MICU1: variants seen among roughly 807,000 people sequenced by gnomAD.
MICU1 encodes mitochondrial calcium uptake 1, also known as calcium uptake protein 1, mitochondrial.
In MICU1, 45 loss-of-function variants were observed where a neutral mutation model predicts 56.8. The ratio of observed to expected loss-of-function variants is 0.79; its 90% confidence interval spans 0.62 to 1.02. The LOEUF is 1.02. MICU1 is among the 50% of genes least tolerant of loss of function. MICU1 has a pLI of 0.00. For missense variants in MICU1, 504 were observed against 587.1 expected, an observed-to-expected ratio of 0.86 and a Z score of 1.46; for synonymous variants, 186 against 195.1, an observed-to-expected ratio of 0.95 and a Z score of 0.39.
intron 10 of MICU1, among the ~76,000 whole-genome samples, chr10:72,391,485 A>G (rs1019789410): frequency 3.3e-5 from 5 of 152,256 alleles, no homozygotes; most frequent in South Asian, 2.1e-4. Flanking sequence ...GAAAACCAGT[A>G]GAAAGTAACA....
intron 1 of MICU1, among the ~76,000 whole-genome samples, chr10:72,623,169 G>C (rs1191621158): frequency 6.6e-6 from 1 of 151,958 alleles, no homozygotes; most frequent in Non-Finnish European, 1.5e-5. Context: ...TACTTACGAG[G>C]ATGAGGCAGA....
At chr10:72,520,461 TC>T (rs1456701144) in intron 5 of MICU1, among the ~76,000 whole-genome samples, 25 of 152,264 alleles carry the variant, frequency 1.6e-4, no homozygotes, top group African/African-American at 6.0e-4. Context: ...AGTTTATGAT[TC>T]CTCCTTCTGA....
At chr10:72,406,222 CATTT>C (rs1230598546) in intron 10 of MICU1, among the ~76,000 whole-genome samples, 2 of 151,934 alleles carry the variant, frequency 1.3e-5, no homozygotes, top group Non-Finnish European at 2.9e-5. Flanking sequence ...AAACCAATTC[CATTT>C]ATAATGGGAT....
chr10:72,565,190 G>C lies in MICU1; in HGVS notation c.161+1443C>G, dbSNP rs557615995. On this transcript the variant is annotated intron_variant, in intron 2 of 11. Transcript: ENST00000361114. ...TGCTGCTATAAAGACACACGCACAC[G>C]TATGTTTATTGCGGCACTATTCACA... Among the ~76,000 whole-genome samples, 5 of 151,196 alleles carry C rather than the reference G, an allele frequency of 3.3e-5. No individual in the cohort carries two copies. In the South Asian group the frequency reaches 8.4e-4, roughly 25 times the overall value.
At position 72,508,444 on chromosome 10, in the gene MICU1, T is replaced by G. The variant is rs1589290601; in HGVS notation, c.538-175A>C. 3 of 398,652 alleles carry G rather than the reference T, an allele frequency of 7.5e-6. No individual in the cohort carries two copies. In the East Asian group the frequency reaches 1.0e-4, roughly 14 times the overall value. The allele number at this position is 398,652 out of a possible 1,614,324, so 24.7% of individuals were successfully genotyped here. On this transcript the variant is annotated intron_variant, in intron 5 of 11. Coordinates refer to ENST00000361114, the MANE Select transcript of MICU1 (RefSeq NM_001195518.2). ...TACAGTTTTCAAGATGATGAAAATT[T>G]TAAGACAAAAATTATGTTTTCATTT... is the stretch of plus-strand genomic sequence containing the variant.
intron 1 of MICU1, among the ~76,000 whole-genome samples, chr10:72,607,083 G>C (rs1376760948): frequency 6.6e-6 from 1 of 152,146 alleles, no homozygotes; most frequent in African/African-American, 2.4e-5. Context: ...GCTCACGCCT[G>C]TAATCCCAAT....
intron 1 of MICU1, among the ~76,000 whole-genome samples, chr10:72,584,948 C>T (rs776867390): frequency 7.9e-5 from 12 of 152,022 alleles, no homozygotes; most frequent in Admixed American, 1.3e-4. Flanking sequence ...AAATTACAGC[C>T]AAGAAAGTAT....
At chr10:72,552,674 C>A (rs1840063561) in intron 3 of MICU1, among the ~76,000 whole-genome samples, 1 of 152,112 alleles carries the variant, frequency 6.6e-6, no homozygotes. Context: ...CCTGCCTCAG[C>A]CTCCCAAGTA....
chr10:72,452,206 G>A (rs750839815), intron 8 of MICU1, among the ~76,000 whole-genome samples: 5 of 152,062 alleles, frequency 3.3e-5, no homozygotes, highest in Non-Finnish European at 7.4e-5. Context: ...ACTACAATTC[G>A]AATACTCACT....
In MICU1 at chr10:72,523,834, CGTCT is replaced by C. The variant is rs1564917996; in HGVS notation, c.537+9908_537+9911del. 3.9e-6 allele frequency: 6 copies of C among 1,527,358 alleles called. No homozygotes were observed. In the Admixed American group the frequency reaches 7.9e-5, roughly 20 times the overall value. 94.6% of individuals were successfully genotyped at this position (1,527,358 alleles called of 1,614,324 possible). ...AGTGTCCTTGAAGATCTCCTTGGCC[CGTCT>C]GTAAGTATATATTCTTTTCATGGTT... is the stretch of plus-strand genomic sequence containing the variant. On this transcript the variant is annotated intron_variant, in intron 5 of 11. Coordinates refer to ENST00000361114, the MANE Select transcript of MICU1 (RefSeq NM_001195518.2).
intron 1 of MICU1, among the ~76,000 whole-genome samples, chr10:72,586,252 C>CTCGA (rs1416535766): frequency 7.9e-5 from 12 of 151,826 alleles, no homozygotes; most frequent in Non-Finnish European, 1.8e-4. Context: ...GCTCAAGCCA[C>CTCGA]ACTCCCACCT....
chr10:72,533,382 C>G (rs567555160), intron 5 of MICU1, among the ~76,000 whole-genome samples: 4 of 152,274 alleles, frequency 2.6e-5, no homozygotes, highest in African/African-American at 9.6e-5. Flanking sequence ...TTGCTAGACA[C>G]TATCATAAAG....
chr10:72,594,065 T>C (rs1281226475), intron 1 of MICU1, among the ~76,000 whole-genome samples: 1 of 152,090 alleles, frequency 6.6e-6, no homozygotes, highest in Admixed American at 6.6e-5. Flanking sequence ...AAAATAAGCT[T>C]GAAAAAGAGA....
intron 8 of MICU1, among the ~76,000 whole-genome samples, chr10:72,423,832 G>A (rs1864257671): frequency 6.6e-6 from 1 of 152,144 alleles, no homozygotes; most frequent in African/African-American, 2.4e-5. Flanking sequence ...AATTCATAAA[G>A]GTCTGAGAGC....
intron 6 of MICU1, among the ~76,000 whole-genome samples, chr10:72,497,389 G>A (rs1866882310): frequency 6.6e-6 from 1 of 152,074 alleles, no homozygotes; most frequent in African/African-American, 2.4e-5. Flanking sequence ...TGTTCCAGAA[G>A]CAGGTTAAGC....
At chr10:72,559,854 T>C (rs977833630) in intron 3 of MICU1, among the ~76,000 whole-genome samples, 1 of 152,208 alleles carries the variant, frequency 6.6e-6, no homozygotes, top group Non-Finnish European at 1.5e-5. Flanking sequence ...GACTAAGCTC[T>C]GCCTCCTGTC....
chr10:72,458,019 T>G (rs1291072068), intron 8 of MICU1, among the ~76,000 whole-genome samples: 1 of 151,918 alleles, frequency 6.6e-6, no homozygotes, highest in East Asian at 1.9e-4. Flanking sequence ...AAATAAAAAT[T>G]AGCCACGCGT....
At chr10:72,552,166 G>A (rs541824297) in intron 3 of MICU1, among the ~76,000 whole-genome samples, 75 of 152,308 alleles carry the variant, frequency 4.9e-4, no homozygotes, top group African/African-American at 1.7e-3. Flanking sequence ...TAAACAAACT[G>A]CTAGAGATCC....
intron 8 of MICU1, among the ~76,000 whole-genome samples, chr10:72,456,688 C>A (rs1865468033): frequency 6.6e-6 from 1 of 151,902 alleles, no homozygotes; most frequent in Admixed American, 6.6e-5. Flanking sequence ...AGGGTAATTT[C>A]TTTCTTTTTC....
Sources: allele counts gnomAD v4.1 joint callset (sites outside exome capture counted in the v4.1 genomes callset), GRCh38; gene constraint gnomAD v4.1.1; transcripts MANE v1.5; gene names NCBI Gene and HGNC (gene_info 2026-07-23, HGNC 2026-07-21).